The following ING3 variants were observed in gnomAD, a reference collection of about 807,000 sequenced individuals.
ING3 encodes inhibitor of growth family member 3.
In ING3, 6 loss-of-function variants were observed where a neutral mutation model predicts 64.8. The ratio of observed to expected loss-of-function variants is 0.09; its 90% confidence interval spans 0.05 to 0.18. The LOEUF is 0.18. Among genes scored for constraint, ING3 ranks in the 10% least tolerant of loss-of-function variants. The pLI is 1.00. For synonymous variants in ING3, 170 were observed against 173.7 expected (o/e 0.98, Z 0.17); for missense variants, 310 against 489.7 (o/e 0.63, Z 3.46).
At chr7:120,963,676 T>C (rs1189475354) in intron 4 of ING3, among the ~76,000 whole-genome samples, 2 of 152,174 alleles carry the variant, frequency 1.3e-5, no homozygotes, top group Non-Finnish European at 2.9e-5. Flanking sequence ...AGATAGGTCA[T>C]CTGATGCGTC....
chr7:120,963,058 G>T (rs1478922818), intron 4 of ING3, among the ~76,000 whole-genome samples: 1 of 152,038 alleles, frequency 6.6e-6, no homozygotes, highest in African/African-American at 2.4e-5. Flanking sequence ...TGTTTTCGTT[G>T]CATTAGTGGT....
At position 120,976,982 on chromosome 7, in the gene ING3, T is replaced by C. The variant is rs1331662594; in HGVS notation, c.*2138T>C. ...AACCCCCCAAAAATGTGGCCAACTA[T>C]TAATATTCTTTGTGACATTTACACC... is the stretch of plus-strand genomic sequence containing the variant. On this transcript the variant is annotated 3_prime_UTR_variant, in exon 12 of 12. Coordinates refer to ENST00000315870, the MANE Select transcript of ING3 (RefSeq NM_019071.3). The C allele has an allele frequency of 6.6e-6, 1 of 152,202 alleles. No homozygotes were observed. The highest frequency in any genetic ancestry group is 1.5e-5 in the Non-Finnish European group (1 of 68,026). 9.4% of individuals were successfully genotyped at this position (152,202 alleles called of 1,614,324 possible).
chr7:120,964,305 T>G (rs539036950), intron 4 of ING3, among the ~76,000 whole-genome samples: 42 of 152,230 alleles, frequency 2.8e-4, no homozygotes, highest in African/African-American at 1.0e-3. Context: ...CTTTCATCAT[T>G]CTAAATAATA....
intron 4 of ING3, among the ~76,000 whole-genome samples, chr7:120,964,135 A>G (rs1795969160): frequency 6.6e-6 from 1 of 152,166 alleles, no homozygotes; most frequent in Admixed American, 6.5e-5. Context: ...TATTATAAAT[A>G]AAATAATTTT....
At chr7:120,958,074 A>C (rs528549613) in intron 4 of ING3, among the ~76,000 whole-genome samples, 3 of 151,854 alleles carry the variant, frequency 2.0e-5, no homozygotes, top group East Asian at 3.9e-4. Context: ...TTCCCTTTCA[A>C]CTCTGCCAAG....
chr7:120,955,667 T>C, intron 4 of ING3, 43 bp downstream of exon 4: 1 of 1,236,782 alleles, frequency 8.1e-7, no homozygotes, highest in Non-Finnish European at 1.2e-6. Context: ...AGTACTTGAA[T>C]AACAGATTAT....
intron 4 of ING3, among the ~76,000 whole-genome samples, chr7:120,960,566 T>C (rs1015638741): frequency 1.3e-5 from 2 of 152,258 alleles, no homozygotes; most frequent in African/African-American, 4.8e-5. Flanking sequence ...ATTTTTTCAT[T>C]GAAATATTTT....
intron 4 of ING3, among the ~76,000 whole-genome samples, chr7:120,964,173 T>G (rs998909305): frequency 6.6e-6 from 1 of 152,170 alleles, no homozygotes; most frequent in Non-Finnish European, 1.5e-5. Context: ...AATGGAGTTT[T>G]CTGGCTAACA....
Position 120,953,316 on chromosome 7 carries a change from A to G in ING3, c.113A>G (p.Gln38Arg), listed in dbSNP as rs755044036. The G allele has an allele frequency of 6.3e-7, 1 of 1,595,076 alleles. No homozygotes were observed. ...MDLQVQNAMD[Q>R]LEQRVSEFFM... ...TATTATGTCATAGATGCAATGGATC[A>G]ACTAGAACAAAGAGTCAGTGAATTC... The change falls in exon 3 of 12, where the codon CAA becomes CGA. Residue 38 changes from glutamine (Q) to arginine (R), a missense_variant. Gln to Arg is a conservative substitution (Grantham distance 43). Transcript: ENST00000315870.
chr7:120,961,936 C>T (rs1795938440), intron 4 of ING3, among the ~76,000 whole-genome samples: 2 of 152,170 alleles, frequency 1.3e-5, no homozygotes, highest in Admixed American at 1.3e-4. Context: ...ACCCTCTTTA[C>T]TATTGTAAAT....
Position 120,968,073 on chromosome 7 carries a change from A to G in ING3, c.696A>G (p.Ala232=). 3.7e-6 allele frequency: 6 copies of G among 1,614,150 alleles called. No homozygotes were observed. Among genetic ancestry groups the G allele is most frequent in the Non-Finnish European group, 5.1e-6 (6 of 1,180,012 alleles). ...CAATTACCATGGCAGCTGCTCAAGC[A>G]GTTCAGGCTACAGCTCAGGTAAAAA... ...AGAITMAAAQ[A]VQATAQMKEG... is the part of the protein sequence containing the mutation. The change falls in exon 8 of 12, where the codon GCA becomes GCG. Residue 232 remains alanine, a synonymous_variant. Coordinates refer to ENST00000315870, the MANE Select transcript of ING3 (RefSeq NM_019071.3).
chr7:120,951,077 C>T (rs937820282), intron 1 of ING3, 87 bp from the exon 2 acceptor site: 23 of 1,548,012 alleles, frequency 1.5e-5, no homozygotes, highest in East Asian at 4.5e-5. Context: ...TGCCGGCCCC[C>T]TCGACCCCCC....
At chr7:120,960,346 G>A (rs1045703721) in intron 4 of ING3, among the ~76,000 whole-genome samples, 1 of 152,148 alleles carries the variant, frequency 6.6e-6, no homozygotes, top group Non-Finnish European at 1.5e-5. Flanking sequence ...AGTCTAAAGC[G>A]GTGGGAAGCC....
At chr7:120,964,871 G>A (rs754311059) in intron 5 of ING3, 33 bp downstream of exon 5, 1 of 1,530,808 alleles carries the variant, frequency 6.5e-7, no homozygotes, top group Non-Finnish European at 9.0e-7. Context: ...CATCAATATT[G>A]GACAGTACAT....
rs768716282 is a variant in ING3 at position 120,964,781 on chromosome 7, A to G, written c.307A>G (p.Lys103Glu). ...HLRKLDQELA[K>E]FKMELEADNA... is the part of the protein sequence containing the mutation. ...GAGAAAGCTGGATCAGGAACTGGCT[A>G]AGTTTAAAATGGAGCTGGAAGCTGA... The change falls in exon 5 of 12, where the codon AAG becomes GAG. Residue 103 changes from lysine (K) to glutamate (E), a missense_variant. Around this residue, in one of 3 missense-constraint regions of ING3, gnomAD observed 233 missense variants for 289.4 expected, o/e 0.81. Coordinates refer to ENST00000315870, the MANE Select transcript of ING3 (RefSeq NM_019071.3). The G allele has an allele frequency of 6.2e-7, 1 of 1,613,740 alleles. No homozygotes were observed. Among genetic ancestry groups the G allele is most frequent in the Non-Finnish European group, 8.5e-7 (1 of 1,179,728 alleles).
Position 120,968,108 on chromosome 7 carries a change from T to G in ING3, c.714+17T>G. The G allele has an allele frequency of 6.2e-7, 1 of 1,603,942 alleles. No homozygotes were observed. Among genetic ancestry groups the G allele is most frequent in the Non-Finnish European group, 8.5e-7 (1 of 1,175,148 alleles). ...ACAGCTCAGGTAAAAAGTAAAGGGT[T>G]TAGAGACAAAATGTTACATTTTGTC... On this transcript the variant is annotated intron_variant, in intron 8 of 11. Coordinates refer to ENST00000315870, the MANE Select transcript of ING3 (RefSeq NM_019071.3).
At chr7:120,972,310 C>G (rs186050171) in intron 10 of ING3, among the ~76,000 whole-genome samples, 9 of 152,158 alleles carry the variant, frequency 5.9e-5, no homozygotes, top group Non-Finnish European at 2.9e-5. Flanking sequence ...ACATTTAAGA[C>G]TTAGTCTATC....
chr7:120,958,650 A>C (rs1427031071), intron 4 of ING3, among the ~76,000 whole-genome samples: 1 of 152,202 alleles, frequency 6.6e-6, no homozygotes, highest in Non-Finnish European at 1.5e-5. Context: ...TTGCTGCCTT[A>C]GGGCATGTTT....
intron 4 of ING3, chr7:120,956,608 A>G: frequency 1.0e-6 from 1 of 988,298 alleles, no homozygotes; most frequent in Non-Finnish European, 1.2e-6. Flanking sequence ...TCATAGAGTT[A>G]TTCTGAAAAA....
Sources: gnomAD v4.1 joint callset for allele counts (sites outside exome capture counted in the v4.1 genomes callset) on GRCh38, gnomAD v4.1.1 for gene constraint, gnomAD v4.1.1 regional missense constraint, MANE v1.5 for transcripts, NCBI Gene and HGNC (gene_info 2026-07-23, HGNC 2026-07-21) for gene names.